MCC: variants seen among roughly 807,000 people sequenced by gnomAD.
MCC encodes MCC regulator of Wnt signaling pathway.
Under a neutral mutation model 116.2 loss-of-function variants are expected in MCC, and 90 were observed. That is an observed-to-expected ratio of 0.77 (90% CI 0.65 to 0.92). MCC has a LOEUF of 0.92. Among genes scored for constraint, MCC ranks in the 40% least tolerant of loss-of-function variants. The probability of loss-of-function intolerance (pLI) is 0.00; values close to 1 mark genes in which losing one functional copy is unlikely to be tolerated. For missense variants in MCC, 1,516 were observed against 1,312.2 expected (o/e 1.16, Z -2.40); for synonymous variants, 578 against 510.5 (o/e 1.13, Z -1.78).
In MCC at chr5:113,137,491, GTTTA is replaced by G. The variant is rs749653957; in HGVS notation, c.884+5723_884+5726del. Among the ~76,000 whole-genome samples the G allele has an allele frequency of 4.6e-5, 7 of 152,226 alleles. No individual in the cohort carries two copies. In the East Asian group the frequency reaches 1.2e-3, roughly 25 times the overall value. ...TGATTCTGTTAATGTGGTATATTGT[GTTTA>G]TTTATTTGCATATGTTGAATGGTAT... is the stretch of plus-strand genomic sequence containing the variant. On this transcript the variant is annotated intron_variant, in intron 5 of 18. Transcript: ENST00000408903.
At chr5:113,291,531 G>A (rs1766496436) in intron 3 of MCC, among the ~76,000 whole-genome samples, 1 of 152,136 alleles carries the variant, frequency 6.6e-6, no homozygotes, top group Admixed American at 6.5e-5. Context: ...CCAGGATAAT[G>A]GCAGGTATTT....
intron 3 of MCC, among the ~76,000 whole-genome samples, chr5:113,263,876 T>C (rs1269180474): frequency 7.8e-6 from 1 of 127,662 alleles, no homozygotes; most frequent in Admixed American, 7.8e-5. Context: ...CTGAAGGGAA[T>C]AAAAAAGGAA....
chr5:113,095,049 A>G (rs1283464310), intron 8 of MCC, among the ~76,000 whole-genome samples: 1 of 152,174 alleles, frequency 6.6e-6, no homozygotes, highest in Non-Finnish European at 1.5e-5. Flanking sequence ...AGGTAAAAGC[A>G]TGCATACCAC....
intron 1 of MCC, among the ~76,000 whole-genome samples, chr5:113,400,242 C>A (rs943431635): frequency 4.7e-5 from 7 of 150,324 alleles, no homozygotes; most frequent in Admixed American, 4.7e-4. Flanking sequence ...CCCGCCTCAG[C>A]CTCCCGAGTA....
At chr5:113,294,390 C>A (rs142267892) in intron 3 of MCC, 2 of 1,612,954 alleles carry the variant, frequency 1.2e-6, no homozygotes, top group East Asian at 4.5e-5. Context: ...ATTCATGATG[C>A]ACTTTTCAGA....
At chr5:113,145,770 A>C (rs966931796) in intron 4 of MCC, among the ~76,000 whole-genome samples, 2 of 16,280 alleles carry the variant, frequency 1.2e-4, no homozygotes, top group African/African-American at 3.4e-4. Context: ...ACACACACAC[A>C]CACACACACA....
intron 16 of MCC, chr5:113,048,832 G>C: frequency 1.8e-6 from 1 of 566,386 alleles, no homozygotes; most frequent in Non-Finnish European, 3.1e-6. Context: ...GTGGACAACT[G>C]CAGAGATCAC....
chr5:113,225,574 A>G (rs80292116), intron 3 of MCC, among the ~76,000 whole-genome samples: 3,944 of 152,312 alleles, frequency 0.026, 57 homozygotes, highest in Non-Finnish European at 0.033. Context: ...GCCTGAACTT[A>G]AAGAGTACTT....
At chr5:113,279,675 A>T (rs1270906115) in intron 3 of MCC, among the ~76,000 whole-genome samples, 3 of 152,238 alleles carry the variant, frequency 2.0e-5, no homozygotes, top group East Asian at 1.9e-4. Context: ...AGAAACCTTG[A>T]TAAGTCCAGA....
chr5:113,406,732 A>G (rs26968), intron 1 of MCC, among the ~76,000 whole-genome samples: 66,691 of 151,604 alleles, frequency 0.44, 16,125 homozygotes, highest in African/African-American at 0.64. Context: ...TAATGTTTAC[A>G]TTTGAGACTT....
intron 8 of MCC, among the ~76,000 whole-genome samples, chr5:113,097,414 T>C (rs960535600): frequency 2.0e-5 from 3 of 152,184 alleles, no homozygotes; most frequent in Non-Finnish European, 2.9e-5. Flanking sequence ...TAAGGTCCCT[T>C]TGAGGCCAAT....
intron 3 of MCC, among the ~76,000 whole-genome samples, chr5:113,271,083 A>G (rs1223222214): frequency 6.6e-6 from 1 of 152,198 alleles, no homozygotes; most frequent in African/African-American, 2.4e-5. Context: ...TGGGACCCTT[A>G]GTGAGCAAGT....
intron 3 of MCC, among the ~76,000 whole-genome samples, chr5:113,239,402 C>A (rs1205491439): frequency 1.3e-5 from 2 of 152,208 alleles, no homozygotes; most frequent in Non-Finnish European, 2.9e-5. Flanking sequence ...TACTCCCTTT[C>A]TCCAGGGGGT....
At chr5:113,053,375 T>G (rs189796310) in intron 15 of MCC, among the ~76,000 whole-genome samples, 2 of 152,256 alleles carry the variant, frequency 1.3e-5, no homozygotes. Flanking sequence ...AACATCAGCA[T>G]CAGCAACCCA....
At chr5:113,396,666 T>G (rs1769533599) in intron 1 of MCC, among the ~76,000 whole-genome samples, 1 of 152,004 alleles carries the variant, frequency 6.6e-6, no homozygotes, top group South Asian at 2.1e-4. Context: ...ATAAAATAGA[T>G]TATTTTGAAA....
intron 12 of MCC, 76 bp from the exon 13 acceptor site, chr5:113,068,259 A>T: frequency 9.0e-7 from 1 of 1,116,250 alleles, no homozygotes; most frequent in South Asian, 1.3e-5. Flanking sequence ...GTTTCTGTGC[A>T]GGAGGCAGCT....
At chr5:113,167,901 A>G (rs915631492) in intron 3 of MCC, among the ~76,000 whole-genome samples, 2 of 152,186 alleles carry the variant, frequency 1.3e-5, no homozygotes, top group Non-Finnish European at 2.9e-5. Context: ...AAGTGCTGGG[A>G]TTACAGGTGT....
At chr5:113,045,318 C>T (rs550591208) in intron 16 of MCC, among the ~76,000 whole-genome samples, 3 of 151,584 alleles carry the variant, frequency 2.0e-5, no homozygotes, top group African/African-American at 7.2e-5. Flanking sequence ...TTTAAAGAAG[C>T]ATAAGCACCC....
chr5:113,330,063 T>C (rs989751627), intron 3 of MCC, among the ~76,000 whole-genome samples: 1 of 152,254 alleles, frequency 6.6e-6, no homozygotes, highest in African/African-American at 2.4e-5. Flanking sequence ...ACTGAAAGCC[T>C]AACTTAGGAG....
Sources: allele counts gnomAD v4.1 joint callset (sites outside exome capture counted in the v4.1 genomes callset), GRCh38; gene constraint gnomAD v4.1.1; transcripts MANE v1.5; gene names NCBI Gene and HGNC (gene_info 2026-07-23, HGNC 2026-07-21).